Variants in PITPNC1 observed in about 807,000 individuals in gnomAD.
PITPNC1 encodes phosphatidylinositol transfer protein cytoplasmic 1.
A neutral mutation model predicts 44.7 loss-of-function variants in PITPNC1; 18 were observed. The ratio of observed to expected loss-of-function variants is 0.40; its 90% CI spans 0.28 to 0.60. PITPNC1 has a LOEUF of 0.60. Among genes scored for constraint, PITPNC1 ranks in the 20% least tolerant of loss-of-function variants. PITPNC1 has a pLI of 0.39. For missense variants in PITPNC1, 290 were observed against 418.4 expected (o/e 0.69, Z 2.68); for synonymous variants, 141 against 149.6 (o/e 0.94, Z 0.42).
At chr17:67,472,450 A>G (rs1174126162) in intron 1 of PITPNC1, among the ~76,000 whole-genome samples, 1 of 150,566 alleles carries the variant, frequency 6.6e-6, no homozygotes, top group African/African-American at 2.4e-5. Flanking sequence ...GATCGAGACC[A>G]TCCTGGCTAA....
In PITPNC1 at chr17:67,680,300, A is replaced by G. The variant is rs546500755; in HGVS notation, c.682+4758A>G. On this transcript the variant is annotated intron_variant, in intron 8 of 8. Coordinates refer to ENST00000581322, the MANE Select transcript of PITPNC1 (RefSeq NM_012417.4). ...CCCTGCTCCCAATTAAAAACTACAG[A>G]AAAAAATCACAACTATAAGGCTGGC... Among the ~76,000 whole-genome samples, 6 of 152,174 alleles carry G rather than the reference A, an allele frequency of 3.9e-5. No homozygotes were observed. In the East Asian group the frequency reaches 1.2e-3, roughly 29 times the overall value.
At chr17:67,589,180 G>A (rs1184752158) in intron 5 of PITPNC1, among the ~76,000 whole-genome samples, 2 of 152,204 alleles carry the variant, frequency 1.3e-5, no homozygotes, top group Non-Finnish European at 2.9e-5. Context: ...TGTGGCCACT[G>A]CTATTTGTGG....
intron 8 of PITPNC1, among the ~76,000 whole-genome samples, chr17:67,684,030 G>C (rs998129380): frequency 2.0e-5 from 3 of 149,074 alleles, no homozygotes; most frequent in Non-Finnish European, 4.5e-5. Context: ...TTTCTAGAGT[G>C]AACAGAAATT....
chr17:67,413,089 C>T (rs567756070), intron 1 of PITPNC1, among the ~76,000 whole-genome samples: 2 of 152,310 alleles, frequency 1.3e-5, no homozygotes, highest in South Asian at 4.1e-4. Context: ...TCTTGTTCCT[C>T]TTTTTCTGAT....
intron 1 of PITPNC1, among the ~76,000 whole-genome samples, chr17:67,436,595 C>G (rs1381314383): frequency 6.6e-6 from 1 of 152,064 alleles, no homozygotes; most frequent in Non-Finnish European, 1.5e-5. Context: ...TGGGATATGT[C>G]CTTTTTGCAA....
rs146663440 is a variant in PITPNC1 at position 67,676,155 on chromosome 17, C to T, written c.682+613C>T. 2.5e-3 allele frequency among the ~76,000 whole-genome samples: 381 copies of T among 150,964 alleles called. No individual in the cohort carries two copies. Among genetic ancestry groups the T allele is most frequent in the African/African-American group, 8.7e-3 (359 of 41,154 alleles). On this transcript the variant is annotated intron_variant, in intron 8 of 8. Coordinates refer to ENST00000581322, the MANE Select transcript of PITPNC1 (RefSeq NM_012417.4). The surrounding 1 kb of genome is among the most constrained non-coding windows in gnomAD (Gnocchi z 4.0). ...CTGGGAGGCGGAGTTTGCAGTGAGC[C>T]GAGATCGCACCACTGCACTCCAGCC...
intron 6 of PITPNC1, among the ~76,000 whole-genome samples, chr17:67,636,817 C>G (rs751849664): frequency 6.6e-5 from 10 of 152,150 alleles, no homozygotes; most frequent in Non-Finnish European, 1.5e-4. Context: ...GAAGGCAAAC[C>G]ATTTCCAAAC....
At chr17:67,599,683 A>T (rs2041515807) in intron 5 of PITPNC1, among the ~76,000 whole-genome samples, 1 of 152,196 alleles carries the variant, frequency 6.6e-6, no homozygotes, top group East Asian at 1.9e-4. Flanking sequence ...GGTGACCTTT[A>T]TGAAAACGAG....
intron 1 of PITPNC1, among the ~76,000 whole-genome samples, chr17:67,485,625 G>A (rs2039767969): frequency 6.6e-6 from 1 of 151,976 alleles, no homozygotes; most frequent in African/African-American, 2.4e-5. Context: ...GGGATTACTG[G>A]TCTCAGCCGC....
chr17:67,441,658 T>G (rs151190748), intron 1 of PITPNC1, among the ~76,000 whole-genome samples: 75 of 152,244 alleles, frequency 4.9e-4, no homozygotes, highest in African/African-American at 1.7e-3. Context: ...CAATTATTCT[T>G]CTCCCTGTTC....
intron 1 of PITPNC1, among the ~76,000 whole-genome samples, chr17:67,409,987 G>T (rs541391741): frequency 1.3e-5 from 2 of 152,172 alleles, no homozygotes; most frequent in East Asian, 3.8e-4. Context: ...TTGAACGTGC[G>T]TGCGTGAGTT....
At chr17:67,434,806 A>AAATT (rs201332243) in intron 1 of PITPNC1, among the ~76,000 whole-genome samples, 3 of 35,226 alleles carry the variant, frequency 8.5e-5, no homozygotes, top group Non-Finnish European at 2.0e-4. Context: ...TCAAAAAAAA[A>AAATT]AAAAAAATAA....
intron 4 of PITPNC1, among the ~76,000 whole-genome samples, chr17:67,561,606 T>C (rs2040908278): frequency 6.6e-6 from 1 of 152,236 alleles, no homozygotes; most frequent in African/African-American, 2.4e-5. Flanking sequence ...ACATCGATTC[T>C]ACTTTCTTAA....
Position 67,494,185 on chromosome 17 carries a change from T to TTCTTTTTC in PITPNC1, c.49-38616_49-38615insCTTTTTCT. 2.6e-3 allele frequency among the ~76,000 whole-genome samples: 263 copies of TTCTTTTTC among 102,468 alleles called. 9 individuals are homozygous for TTCTTTTTC. The highest frequency in any genetic ancestry group is 9.3e-3 in the African/African-American group (247 of 26,472). 67.2% of individuals were successfully genotyped at this position (102,468 alleles called of 152,430 possible). A position where few individuals can be genotyped will look rare whatever the true frequency, so the allele number is the denominator to read the frequency against. Reference sequence around the variant, plus strand: ...CCTCTTTCTTTCTTTCTTTCTTTCTTTTTCTTTCTTTCTTTCTTTCTTTCT... The same window carrying TTCTTTTTC: ...CCTCTTTCTTTCTTTCTTTCTTTCTTTCTTTTTCTTTCTTTCTTTCTTTCTTTCTTTCT... On this transcript the variant is annotated intron_variant, in intron 1 of 8. Transcript: ENST00000581322.
At chr17:67,430,726 G>A (rs1039573599) in intron 1 of PITPNC1, among the ~76,000 whole-genome samples, 12 of 151,006 alleles carry the variant, frequency 7.9e-5, no homozygotes, top group African/African-American at 2.7e-4. Flanking sequence ...GGCTGAGGTG[G>A]GAGGATCAGT....
At chr17:67,608,634 G>A (rs975426996) in intron 5 of PITPNC1, among the ~76,000 whole-genome samples, 40 of 150,562 alleles carry the variant, frequency 2.7e-4, no homozygotes, top group Admixed American at 2.7e-3. Context: ...GGGACTACAG[G>A]CATGCACCGT....
At chr17:67,416,583 C>G (rs569466541) in intron 1 of PITPNC1, among the ~76,000 whole-genome samples, 1 of 152,086 alleles carries the variant, frequency 6.6e-6, no homozygotes, top group South Asian at 2.1e-4. Context: ...GCAGATGCAG[C>G]GTATTTCTGC....
In PITPNC1 at chr17:67,632,228, A is replaced by G; in HGVS notation, c.452A>G (p.Lys151Arg). 6.3e-7 allele frequency: 1 copy of G among 1,597,872 alleles called. No individual in the cohort carries two copies. Among genetic ancestry groups the G allele is most frequent in the South Asian group, 1.1e-5 (1 of 90,746 alleles). The change falls in exon 6 of 9, where the codon AAA becomes AGA. Residue 151 changes from lysine (K) to arginine (R), a missense_variant. Lys to Arg is a conservative substitution (Grantham distance 26, BLOSUM62 2). Coordinates refer to ENST00000581322, the MANE Select transcript of PITPNC1 (RefSeq NM_012417.4). ...ACDEIPERYY[K>R]ESEDPKHFKS... ...GATGAAATTCCAGAGCGCTACTACA[A>G]AGAATCTGAGGTAAGCAACAGTTGG...
chr17:67,650,418 T>A (rs2042196654), intron 6 of PITPNC1, among the ~76,000 whole-genome samples: 1 of 148,802 alleles, frequency 6.7e-6, no homozygotes. Flanking sequence ...CTAAAAGGCA[T>A]CCTGGGGGCT....
Sources: gnomAD v4.1 joint callset for allele counts (sites outside exome capture counted in the v4.1 genomes callset) on GRCh38, gnomAD v4.1.1 for gene constraint, Gnocchi (gnomAD v3.1) non-coding constraint, MANE v1.5 for transcripts, NCBI Gene and HGNC (gene_info 2026-07-23, HGNC 2026-07-21) for gene names.